ITPR2: variants seen among roughly 807,000 people sequenced by gnomAD.
ITPR2 encodes the protein inositol 1,4,5-trisphosphate receptor type 2, also known as inositol 1,4,5-trisphosphate-gated calcium channel ITPR2.
A neutral mutation model predicts 317.1 loss-of-function variants in ITPR2; 207 were observed. That is an observed-to-expected ratio of 0.65 (90% confidence interval 0.58 to 0.73). ITPR2 has a LOEUF of 0.73. Ranked by LOEUF, ITPR2 falls within the 30% of genes least tolerant of loss-of-function variation. ITPR2 has a pLI of 0.00. For missense variants in ITPR2, 2,613 were observed against 3,284.0 expected, an observed-to-expected ratio of 0.80 and a Z score of 4.99; for synonymous variants, 1,156 against 1,149.1, an observed-to-expected ratio of 1.01 and a Z score of -0.12.
rs114988955 is a variant in ITPR2, at chr12:26,347,540, A to T, written c.7858-7212T>A. On this transcript the variant is annotated intron_variant, in intron 55 of 56. Transcript: ENST00000381340. ...ATTAGTTACTTGCCCAAGGTCATAT[A>T]GGTGGTGTTAGTGGCTAAACCAGGC... Among the ~76,000 whole-genome samples the T allele has an allele frequency of 5.5e-3, 839 of 152,330 alleles. 8 individuals are homozygous for T. Among genetic ancestry groups the T allele is most frequent in the African/African-American group, 0.019 (808 of 41,588 alleles).
intron 55 of ITPR2, among the ~76,000 whole-genome samples, chr12:26,379,393 C>T (rs1776486973): frequency 6.6e-6 from 1 of 152,056 alleles, no homozygotes; most frequent in Non-Finnish European, 1.5e-5. Context: ...GGCTATTATC[C>T]ACAGTCAATA....
chr12:26,716,026 T>C, intron 6 of ITPR2, 118 bp downstream of exon 6: 2 of 743,364 alleles, frequency 2.7e-6, no homozygotes, highest in Non-Finnish European at 4.5e-6. Flanking sequence ...CTTAGGGATA[T>C]TAATTAGAAT....
chr12:26,554,817 G>A (rs917916313), intron 36 of ITPR2, among the ~76,000 whole-genome samples: 1 of 151,780 alleles, frequency 6.6e-6, no homozygotes, highest in Non-Finnish European at 1.5e-5. Flanking sequence ...TCTGTAATGG[G>A]TACAGGTGCA....
intron 37 of ITPR2, among the ~76,000 whole-genome samples, chr12:26,510,971 T>C (rs1943331145): frequency 6.6e-6 from 1 of 152,214 alleles, no homozygotes; most frequent in Admixed American, 6.5e-5. Context: ...AAAAGAACTG[T>C]ACCAAAAAAT....
At chr12:26,418,499 C>T (rs73081138) in intron 50 of ITPR2, among the ~76,000 whole-genome samples, 19,424 of 152,014 alleles carry the variant, frequency 0.13, 1,921 homozygotes, top group East Asian at 0.37. Flanking sequence ...GAAAGAGCCA[C>T]TTAATGAGTT....
chr12:26,468,923 C>T (rs1942237665), intron 45 of ITPR2, among the ~76,000 whole-genome samples: 1 of 152,140 alleles, frequency 6.6e-6, no homozygotes, highest in Admixed American at 6.5e-5. Flanking sequence ...AAAGAAGTTT[C>T]TCTCCTTAAA....
intron 2 of ITPR2, among the ~76,000 whole-genome samples, chr12:26,761,646 A>T (rs1375284065): frequency 6.6e-6 from 1 of 152,224 alleles, no homozygotes; most frequent in East Asian, 1.9e-4. Context: ...ACTTTTTAAA[A>T]ATTAGCCAGG....
chr12:26,664,560 T>C (rs569213580), intron 14 of ITPR2, among the ~76,000 whole-genome samples: 65 of 152,306 alleles, frequency 4.3e-4, no homozygotes, highest in Non-Finnish European at 5.4e-4. Context: ...GAGGAAATTG[T>C]CTATGAAAGA....
Position 26,654,014 on chromosome 12 carries a change from G to C in ITPR2, c.2702C>G (p.Ser901Ter). ...TTTGCTTAATCTTTCAAAGTATGATGACATGGGGGCCTGTACAATGTCTAA... is the reference window on the plus strand; with the variant it reads ...TTTGCTTAATCTTTCAAAGTATGATCACATGGGGGCCTGTACAATGTCTAA... Reference protein sequence around the residue: ...AILDIVQAPMSSYFERLSKFQ... With the variant: ...AILDIVQAPM The change falls in exon 21 of 57, where the codon TCA becomes TGA. Residue 901 changes from serine to a stop codon, truncating the protein, a stop_gained. Coordinates refer to ENST00000381340, the MANE Select transcript of ITPR2 (RefSeq NM_002223.4). LOFTEE classifies it high-confidence loss of function. The C allele has an allele frequency of 6.2e-7, 1 of 1,610,594 alleles. No individual in the cohort carries two copies. Among genetic ancestry groups the C allele is most frequent in the Non-Finnish European group, 8.5e-7 (1 of 1,177,842 alleles).
At chr12:26,748,012 C>A (rs1438513414) in intron 2 of ITPR2, among the ~76,000 whole-genome samples, 1 of 152,124 alleles carries the variant, frequency 6.6e-6, no homozygotes, top group Non-Finnish European at 1.5e-5. Flanking sequence ...CTTCAAAACC[C>A]TGAAGAAATC....
rs1207463094 is a variant in ITPR2 at position 26,569,652 on chromosome 12, A to G, written c.4631-7700T>C. On this transcript the variant is annotated intron_variant, in intron 34 of 56. Transcript: ENST00000381340. ...AAAATGGTTACACAAATTATTAAGA[A>G]AAAAACCTATTAGGAGAAATAAGGA... Among the ~76,000 whole-genome samples the G allele has an allele frequency of 3.3e-5, 5 of 152,294 alleles. No individual in the cohort carries two copies. In the East Asian group the frequency reaches 9.6e-4, roughly 29 times the overall value.
At chr12:26,355,564 T>G (rs754809878) in intron 55 of ITPR2, among the ~76,000 whole-genome samples, 1 of 152,250 alleles carries the variant, frequency 6.6e-6, no homozygotes, top group African/African-American at 2.4e-5. Flanking sequence ...AAAATGCCTA[T>G]AACAATGGGT....
chr12:26,391,563 T>A lies in ITPR2; in HGVS notation c.7697-3969A>T, dbSNP rs1490929418. Reference sequence around the variant, plus strand: ...CTTCTTCTTCTTCTTTTCCTTTTTTTTTTTTTTTTTTTTTTTTTTTTGACA... The same window carrying A: ...CTTCTTCTTCTTCTTTTCCTTTTTTATTTTTTTTTTTTTTTTTTTTTGACA... On this transcript the variant is annotated intron_variant, in intron 54 of 56. Coordinates refer to ENST00000381340, the MANE Select transcript of ITPR2 (RefSeq NM_002223.4). Among the ~76,000 whole-genome samples, 199 of 126,218 alleles carry A rather than the reference T, an allele frequency of 1.6e-3. 11 individuals are homozygous for A. The highest frequency in any genetic ancestry group is 0.014 in the Admixed American group (179 of 13,000). 82.8% of individuals were successfully genotyped at this position (126,218 alleles called of 152,430 possible).
intron 49 of ITPR2, among the ~76,000 whole-genome samples, chr12:26,423,935 C>G (rs895580232): frequency 6.6e-6 from 1 of 152,028 alleles, no homozygotes; most frequent in African/African-American, 2.4e-5. Flanking sequence ...AAAGAAGCAC[C>G]ATAGTAAACA....
At chr12:26,422,599 T>C (rs1258244011) in intron 49 of ITPR2, among the ~76,000 whole-genome samples, 3 of 152,196 alleles carry the variant, frequency 2.0e-5, no homozygotes, top group South Asian at 4.1e-4. Flanking sequence ...AGCTCCCTCA[T>C]AGCTGTAGAA....
intron 50 of ITPR2, among the ~76,000 whole-genome samples, 198 bp from the exon 51 acceptor site, chr12:26,415,696 A>C (rs1940700467): frequency 6.6e-6 from 1 of 152,226 alleles, no homozygotes; most frequent in South Asian, 2.1e-4. Flanking sequence ...TTCTATAAAG[A>C]TACATCTAGC....
intron 37 of ITPR2, among the ~76,000 whole-genome samples, chr12:26,528,595 G>T (rs141116910): frequency 6.6e-6 from 1 of 152,144 alleles, no homozygotes; most frequent in South Asian, 2.1e-4. Flanking sequence ...TTATGTCCAG[G>T]TTTATCGTAA....
rs1951141665 is a variant in ITPR2 at position 26,832,898 on chromosome 12, C to T, written c.-117G>A. ...ATCGCGGGACTACAGCGGCCAAGAGCCGCGGCGGAGGGCACGGCCCGAGCC... is the reference window on the plus strand; with the variant it reads ...ATCGCGGGACTACAGCGGCCAAGAGTCGCGGCGGAGGGCACGGCCCGAGCC... On this transcript the variant is annotated 5_prime_UTR_variant, in exon 1 of 57. Transcript: ENST00000381340. 1.5e-5 allele frequency: 12 copies of T among 791,672 alleles called. No homozygotes were observed. Among genetic ancestry groups the T allele is most frequent in the Non-Finnish European group, 2.5e-5 (12 of 488,070 alleles). The allele number at this position is 791,672 out of a possible 1,614,324, so 49.0% of individuals were successfully genotyped here. A position where few individuals can be genotyped will look rare whatever the true frequency, so the allele number is the denominator to read the frequency against.
intron 50 of ITPR2, among the ~76,000 whole-genome samples, chr12:26,416,197 C>A (rs1460306286): frequency 1.3e-5 from 2 of 152,136 alleles, no homozygotes; most frequent in African/African-American, 2.4e-5. Context: ...TAGGTTACTA[C>A]CTATTTTGTC....
Sources: gnomAD v4.1 joint callset for allele counts (sites outside exome capture counted in the v4.1 genomes callset) on GRCh38, gnomAD v4.1.1 for gene constraint, MANE v1.5 for transcripts, NCBI Gene and HGNC (gene_info 2026-07-23, HGNC 2026-07-21) for gene names.